The following CTNNA3 variants were observed in gnomAD, a reference collection of about 807,000 sequenced individuals.
The protein encoded by CTNNA3 is catenin alpha 3.
Under a neutral mutation model 95.7 loss-of-function variants are expected in CTNNA3, and 76 were observed. The observed-to-expected ratio is 0.79, with a 90% CI of 0.66 to 0.96. The LOEUF is 0.96. Among genes scored for constraint, CTNNA3 ranks in the 40% least tolerant of loss-of-function variants. The pLI is 0.00. For synonymous variants in CTNNA3, 431 were observed against 374.4 expected, an observed-to-expected ratio of 1.15 and a Z score of -1.74; for missense variants, 1,191 against 1,089.8, an observed-to-expected ratio of 1.09 and a Z score of -1.31.
intron 15 of CTNNA3, among the ~76,000 whole-genome samples, chr10:66,046,423 C>A (rs915202022): frequency 1.3e-5 from 2 of 152,102 alleles, no homozygotes; most frequent in Admixed American, 1.3e-4. Context: ...GGAGGTTAGA[C>A]CCCCATACAT....
intron 5 of CTNNA3, among the ~76,000 whole-genome samples, chr10:67,517,356 G>T (rs976879903): frequency 1.3e-5 from 2 of 151,708 alleles, no homozygotes; most frequent in Non-Finnish European, 2.9e-5. Flanking sequence ...ATATTAACCC[G>T]CAGTCATTTT....
chr10:66,059,629 T>C (rs897467838), intron 15 of CTNNA3, among the ~76,000 whole-genome samples: 2 of 152,126 alleles, frequency 1.3e-5, no homozygotes, highest in Admixed American at 6.6e-5. Flanking sequence ...TGCTATCTTA[T>C]GTTGCTCTGG....
intron 9 of CTNNA3, among the ~76,000 whole-genome samples, chr10:66,625,532 G>T (rs1394925816): frequency 1.3e-5 from 2 of 152,056 alleles, no homozygotes; most frequent in Non-Finnish European, 2.9e-5. Context: ...GGGACTACAG[G>T]TGCGCACCAC....
chr10:66,333,612 G>T (rs944154058), intron 12 of CTNNA3, among the ~76,000 whole-genome samples: 3 of 151,928 alleles, frequency 2.0e-5, no homozygotes, highest in South Asian at 2.1e-4. Flanking sequence ...TACAATTTCT[G>T]TTCTTTTACA....
chr10:66,278,607 G>A (rs2091439901), intron 13 of CTNNA3, among the ~76,000 whole-genome samples: 1 of 152,012 alleles, frequency 6.6e-6, no homozygotes, highest in South Asian at 2.1e-4. Flanking sequence ...CTATAAGTAA[G>A]CTATCTTGAT....
chr10:67,757,565 C>T (rs1027440663), intron 1 of CTNNA3, among the ~76,000 whole-genome samples: 7 of 152,158 alleles, frequency 4.6e-5, no homozygotes, highest in African/African-American at 1.4e-4. Flanking sequence ...CTGAGTGTTC[C>T]GACTTTCATC....
intron 7 of CTNNA3, among the ~76,000 whole-genome samples, chr10:66,861,206 C>T (rs1318866541): frequency 6.6e-6 from 1 of 152,102 alleles, no homozygotes; most frequent in Non-Finnish European, 1.5e-5. Flanking sequence ...CAACAATAAA[C>T]AAATAGGAAT....
At chr10:66,357,320 C>CT (rs1354685887) in intron 12 of CTNNA3, among the ~76,000 whole-genome samples, 7 of 151,860 alleles carry the variant, frequency 4.6e-5, no homozygotes, top group South Asian at 2.1e-4. Flanking sequence ...TCTTCAGTGA[C>CT]TTTTTTTTGA....
intron 5 of CTNNA3, among the ~76,000 whole-genome samples, chr10:67,388,664 G>C (rs1238392463): frequency 2.6e-5 from 4 of 151,164 alleles, no homozygotes; most frequent in South Asian, 2.1e-4. Context: ...CAGAGAGAAA[G>C]GTCGGGTTAC....
chr10:66,720,820 G>A (rs1038333219), intron 9 of CTNNA3, among the ~76,000 whole-genome samples: 10 of 152,042 alleles, frequency 6.6e-5, no homozygotes, highest in Admixed American at 5.2e-4. Context: ...GTGACAGAGA[G>A]AGACCCTGTC....
rs187307027 is a variant in CTNNA3 at position 66,432,935 on chromosome 10, G to T, written c.1532-53583C>A. Among the ~76,000 whole-genome samples the T allele has an allele frequency of 3.3e-3, 504 of 152,242 alleles. 1 individual carries two copies. The highest frequency in any genetic ancestry group is 0.012 in the African/African-American group (483 of 41,566). On this transcript the variant is annotated intron_variant, in intron 11 of 17. Coordinates refer to ENST00000433211, the MANE Select transcript of CTNNA3 (RefSeq NM_013266.4). ...GTTCCTTTGTTAGTTTGCTGAGAAT[G>T]ATGGTTTCCAGCTTCATCCATGTCC...
intron 1 of CTNNA3, among the ~76,000 whole-genome samples, chr10:67,742,898 C>G (rs924886832): frequency 2.0e-5 from 3 of 151,350 alleles, no homozygotes; most frequent in African/African-American, 7.3e-5. Flanking sequence ...ACTAGAAAAT[C>G]TAGAAGAAAT....
intron 5 of CTNNA3, among the ~76,000 whole-genome samples, chr10:67,391,224 A>C (rs1355791013): frequency 6.6e-6 from 1 of 152,086 alleles, no homozygotes; most frequent in Non-Finnish European, 1.5e-5. Flanking sequence ...ATACAAAATC[A>C]ATGTACAAAA....
At chr10:66,351,749 G>T in intron 12 of CTNNA3, among the ~76,000 whole-genome samples, 1 of 151,924 alleles carries the variant, frequency 6.6e-6, no homozygotes, top group East Asian at 1.9e-4. Flanking sequence ...GATGAGTTTT[G>T]TAAGATATTT....
At chr10:67,695,745 G>A (rs1381239438) in intron 1 of CTNNA3, among the ~76,000 whole-genome samples, 1 of 152,142 alleles carries the variant, frequency 6.6e-6, no homozygotes, top group Non-Finnish European at 1.5e-5. Flanking sequence ...CTCTCTGAAT[G>A]CAAAGCACGA....
chr10:67,478,981 T>A (rs1377512012), intron 5 of CTNNA3, among the ~76,000 whole-genome samples: 1 of 151,968 alleles, frequency 6.6e-6, no homozygotes, highest in African/African-American at 2.4e-5. Flanking sequence ...TTTTATCAGA[T>A]AAAACCAACT....
At chr10:66,511,246 T>A (rs2131992520) in intron 11 of CTNNA3, among the ~76,000 whole-genome samples, 1 of 151,914 alleles carries the variant, frequency 6.6e-6, no homozygotes, top group East Asian at 1.9e-4. Context: ...CATTGTTCAT[T>A]TCTGATATTA....
chr10:67,288,484 C>A lies in CTNNA3; in HGVS notation c.580-68614G>T, dbSNP rs958483483. Among the ~76,000 whole-genome samples the A allele has an allele frequency of 9.2e-5, 14 of 152,278 alleles. 1 individual carries two copies. In the East Asian group the frequency reaches 1.9e-3, roughly 21 times the overall value. The stretch of plus-strand genomic sequence containing the variant: ...TGTCAACTGCTAATCATAATATAAA[C>A]AATGAATTTGTACTGCATATTATCT... On this transcript the variant is annotated intron_variant, in intron 5 of 17. Coordinates refer to ENST00000433211, the MANE Select transcript of CTNNA3 (RefSeq NM_013266.4).
intron 2 of CTNNA3, among the ~76,000 whole-genome samples, chr10:67,618,170 C>T (rs888453939): frequency 6.6e-6 from 1 of 151,986 alleles, no homozygotes; most frequent in African/African-American, 2.4e-5. Flanking sequence ...AAAAGTCAAC[C>T]TTTTTCCATC....
Sources: gnomAD v4.1 joint callset for allele counts (sites outside exome capture counted in the v4.1 genomes callset) on GRCh38, gnomAD v4.1.1 for gene constraint, MANE v1.5 for transcripts, NCBI Gene and HGNC (gene_info 2026-07-23, HGNC 2026-07-21) for gene names.